The following CALD1 variants were observed in gnomAD, a reference collection of about 807,000 sequenced individuals.
CALD1 encodes caldesmon 1, also known as caldesmon.
CALD1 carries 33 observed loss-of-function variants against 99.9 expected under a neutral mutation model. That is an observed-to-expected ratio of 0.33 (90% CI 0.25 to 0.44). The LOEUF (loss-of-function observed/expected upper bound fraction) is 0.44, where lower values mean the gene tolerates loss of function less well. CALD1 is among the 20% of genes least tolerant of loss of function. CALD1 has a pLI of 1.00. For missense variants in CALD1, 861 were observed against 962.1 expected (o/e 0.89, Z 1.39); for synonymous variants, 310 against 325.0 (o/e 0.95, Z 0.50).
upstream of CALD1, among the ~76,000 whole-genome samples, chr7:134,776,047 T>G (rs1317469793): frequency 6.6e-6 from 1 of 152,200 alleles, no homozygotes; most frequent in Non-Finnish European, 1.5e-5. Context: ...TATTTATAGA[T>G]CCTCTCAAAT....
At chr7:134,868,550 G>A (rs1800909782) in intron 3 of CALD1, among the ~76,000 whole-genome samples, 1 of 152,140 alleles carries the variant, frequency 6.6e-6, no homozygotes, top group Non-Finnish European at 1.5e-5. Flanking sequence ...GTTAAACAAT[G>A]ACCTTAAAAT....
chr7:134,852,764 C>T (rs189027824), intron 2 of CALD1, among the ~76,000 whole-genome samples: 7 of 152,220 alleles, frequency 4.6e-5, no homozygotes, highest in Admixed American at 1.3e-4. Flanking sequence ...TTTTAAGATT[C>T]GGCTGAGAGC....
At chr7:134,924,916 G>A (rs1037935986) in intron 3 of CALD1, among the ~76,000 whole-genome samples, 3 of 152,068 alleles carry the variant, frequency 2.0e-5, no homozygotes, top group Non-Finnish European at 1.5e-5. Flanking sequence ...TTCACTTGGC[G>A]CTTCTTCCTG....
Position 134,947,682 on chromosome 7 carries a change from G to C in CALD1, c.1707G>C (p.Lys569Asn), listed in dbSNP as rs768349688. 2 of 1,603,852 alleles carry C rather than the reference G, an allele frequency of 1.2e-6. No homozygotes were observed. The highest frequency in any genetic ancestry group is 1.1e-5 in the South Asian group (1 of 89,764). Residue 569 changes from lysine (K) to asparagine (N), a missense_variant, in exon 8 of 15, where the codon AAG becomes AAC. Transcript: ENST00000361675. The stretch of plus-strand genomic sequence containing the variant: ...CGGCTTTGGAGCTGGAGGAACTCAA[G>C]AAAAAGAGGGAGGAGAGAAGGAAGG... The part of the protein sequence containing the change: ...QEAALELEEL[K>N]KKREERRKVL...
chr7:134,826,419 A>C (rs1313452417), intron 1 of CALD1, among the ~76,000 whole-genome samples: 1 of 151,976 alleles, frequency 6.6e-6, no homozygotes, highest in Non-Finnish European at 1.5e-5. Flanking sequence ...TTCCTGAAGC[A>C]TCTCCTAAGT....
At chr7:134,763,503 G>A (rs1796796658) in intron 1 of CALD1, among the ~76,000 whole-genome samples, 1 of 152,138 alleles carries the variant, frequency 6.6e-6, no homozygotes, top group Non-Finnish European at 1.5e-5. Flanking sequence ...CTCCAGACTG[G>A]CCAGCCTCTT....
chr7:134,804,908 A>G (rs1333016996), intron 1 of CALD1, among the ~76,000 whole-genome samples: 1 of 152,180 alleles, frequency 6.6e-6, no homozygotes, highest in Non-Finnish European at 1.5e-5. Flanking sequence ...TGTAGGGGAG[A>G]TCAAAGTTTT....
chr7:134,721,244 C>T, the CALD1 span, among the ~76,000 whole-genome samples: 6 of 150,258 alleles, frequency 4.0e-5, no homozygotes, highest in African/African-American at 7.4e-5. Flanking sequence ...TTTTCAAGAA[C>T]GGCGATTTTC....
chr7:134,800,086 A>C (rs1444332207), intron 1 of CALD1, among the ~76,000 whole-genome samples: 2 of 152,202 alleles, frequency 1.3e-5, no homozygotes, highest in Non-Finnish European at 2.9e-5. Context: ...ATTGCAGATC[A>C]TTTAAACATT....
the CALD1 span, among the ~76,000 whole-genome samples, chr7:134,736,345 T>C: frequency 6.6e-6 from 1 of 152,176 alleles, no homozygotes; most frequent in Non-Finnish European, 1.5e-5. Context: ...CCTATGTCTG[T>C]AAGAGTATAG....
chr7:134,813,845 A>C (rs1439749577), intron 1 of CALD1, among the ~76,000 whole-genome samples: 2 of 152,142 alleles, frequency 1.3e-5, no homozygotes, highest in African/African-American at 4.8e-5. Context: ...TGCTTGCTAC[A>C]TGGAGAGCAG....
rs79292997 is a variant in CALD1 at position 134,935,009 on chromosome 7, C to G, written c.1309-679C>G. Among the ~76,000 whole-genome samples, 281 of 152,160 alleles carry G rather than the reference C, an allele frequency of 1.8e-3. 1 individual carries two copies. The highest frequency in any genetic ancestry group is 3.4e-3 in the Non-Finnish European group (233 of 68,002). ...AAAAGTCAAAACCCTGATTTGCCAA[C>G]ATGTAGACCTCAGCTTAATGTAGAC... On this transcript the variant is annotated intron_variant, in intron 5 of 14. Transcript: ENST00000361675.
At chr7:134,920,677 A>C (rs1448582011) in intron 3 of CALD1, 1 of 1,289,230 alleles carries the variant, frequency 7.8e-7, no homozygotes, top group Non-Finnish European at 1.0e-6. Context: ...GAATGCAGAA[A>C]TTTTAGAGCT....
intron 1 of CALD1, among the ~76,000 whole-genome samples, chr7:134,803,926 C>A (rs1798039864): frequency 6.6e-6 from 1 of 152,130 alleles, no homozygotes; most frequent in African/African-American, 2.4e-5. Context: ...AAACTCCTGA[C>A]CTCAGGTGAT....
chr7:134,712,890 C>T, the CALD1 span, among the ~76,000 whole-genome samples: 164 of 152,294 alleles, frequency 1.1e-3, no homozygotes, highest in African/African-American at 3.8e-3. Context: ...AAGAGGAAAA[C>T]ATGCCTGAAA....
chr7:134,964,682 T>C (rs1273239365), intron 13 of CALD1, among the ~76,000 whole-genome samples: 1 of 152,084 alleles, frequency 6.6e-6, no homozygotes, highest in Non-Finnish European at 1.5e-5. Flanking sequence ...TGAGTACAAA[T>C]TGAGTTCATC....
rs960735167 is a variant in CALD1, at chr7:134,947,639, A to G, written c.1664A>G (p.Lys555Arg). The change falls in exon 8 of 15, where the codon AAA (lysine) becomes AGA (arginine). Residue 555 changes from lysine (K) to arginine (R), a missense_variant. This residue lies in a region of CALD1 where 293 missense variants were observed against 262.7 expected (regional missense o/e 1.12). Coordinates refer to ENST00000361675, the MANE Select transcript of CALD1 (RefSeq NM_033138.4). Reference sequence around the variant, plus strand: ...GAGAGCGAAGAGTTCGAGAAGCTCAAACAGAAGCAGCAGGAGGCGGCTTTG... The same window carrying G: ...GAGAGCGAAGAGTTCGAGAAGCTCAGACAGAAGCAGCAGGAGGCGGCTTTG... ...ETESEEFEKL[K>R]QKQQEAALEL... 7.0e-6 allele frequency: 11 copies of G among 1,574,938 alleles called. No homozygotes were observed. The African/African-American group carries it at 1.5e-4, about 21-fold the overall frequency.
intron 1 of CALD1, among the ~76,000 whole-genome samples, chr7:134,806,876 G>A (rs755469973): frequency 6.6e-6 from 1 of 152,070 alleles, no homozygotes; most frequent in African/African-American, 2.4e-5. Flanking sequence ...GTCACAACAT[G>A]GCTCCCAAAG....
At position 134,969,828 on chromosome 7, in the gene CALD1, G is replaced by A. The variant is rs1808923129; in HGVS notation, c.*1483G>A. On this transcript the variant is annotated 3_prime_UTR_variant, in exon 15 of 15. Transcript: ENST00000361675. ...GTAGATAATGAAAGAGTCCTCCAGTGTCTTGGCAAAATGTTCTAGTATAGC... is the reference window on the plus strand; with the variant it reads ...GTAGATAATGAAAGAGTCCTCCAGTATCTTGGCAAAATGTTCTAGTATAGC... The A allele has an allele frequency of 6.6e-6, 1 of 152,606 alleles. No individual in the cohort carries two copies. 9.5% of individuals were successfully genotyped at this position (152,606 alleles called of 1,614,324 possible). A position where few individuals can be genotyped will look rare whatever the true frequency, so the allele number is the denominator to read the frequency against.
Sources: gnomAD v4.1 joint callset for allele counts (sites outside exome capture counted in the v4.1 genomes callset) on GRCh38, gnomAD v4.1.1 for gene constraint, gnomAD v4.1.1 regional missense constraint, MANE v1.5 for transcripts, NCBI Gene and HGNC (gene_info 2026-07-23, HGNC 2026-07-21) for gene names.